MRPS9: variants seen among roughly 807,000 people sequenced by gnomAD.
MRPS9 encodes the protein small ribosomal subunit protein uS9m.
MRPS9 carries 45 observed loss-of-function variants against 59.9 expected under a neutral mutation model. The ratio of observed to expected loss-of-function variants is 0.75; its 90% confidence interval spans 0.59 to 0.96. The LOEUF is 0.96. Among genes scored for constraint, MRPS9 ranks in the 40% least tolerant of loss-of-function variants. The pLI is 0.00. For synonymous variants in MRPS9, 171 were observed against 166.8 expected, an observed-to-expected ratio of 1.03 and a Z score of -0.19; for missense variants, 473 against 481.1, an observed-to-expected ratio of 0.98 and a Z score of 0.16.
intron 1 of MRPS9, among the ~76,000 whole-genome samples, chr2:105,047,920 G>A (rs965373363): frequency 6.6e-6 from 1 of 151,838 alleles, no homozygotes; most frequent in Non-Finnish European, 1.5e-5. Flanking sequence ...GGGTCAAATA[G>A]TATTTCTAGT....
intron 1 of MRPS9, among the ~76,000 whole-genome samples, chr2:105,048,770 T>G (rs1376098195): frequency 5.9e-5 from 9 of 151,926 alleles, no homozygotes; most frequent in African/African-American, 2.2e-4. Context: ...GTTTTCTGCT[T>G]GCTGGTTTCT....
intron 7 of MRPS9, among the ~76,000 whole-genome samples, chr2:105,091,835 G>A (rs1288431865): frequency 6.6e-6 from 1 of 152,124 alleles, no homozygotes; most frequent in Non-Finnish European, 1.5e-5. Context: ...TTTATTTCAA[G>A]AGGTTGCCCT....
At chr2:105,092,609 G>T in intron 8 of MRPS9, 40 bp downstream of exon 8, 4 of 1,416,496 alleles carry the variant, frequency 2.8e-6, no homozygotes, top group Non-Finnish European at 3.8e-6. Context: ...TTCAGTGAAG[G>T]TTGAAAAACT....
At chr2:105,077,244 C>CAAAAAAAAAAAAAA (rs56216293) in intron 4 of MRPS9, among the ~76,000 whole-genome samples, 41 of 115,280 alleles carry the variant, frequency 3.6e-4, no homozygotes, top group Middle Eastern at 5.3e-3. Flanking sequence ...GACTCCATCT[C>CAAAAAAAAAAAAAA]AAAAAAAAAA....
At chr2:105,084,247 A>ATATATATATATATATATAT (rs1680403807) in intron 5 of MRPS9, among the ~76,000 whole-genome samples, 40 of 139,588 alleles carry the variant, frequency 2.9e-4, no homozygotes, top group African/African-American at 8.6e-4. Context: ...TATATACCAA[A>ATATATATATATATATATAT]ATATATATAT....
intron 2 of MRPS9, among the ~76,000 whole-genome samples, chr2:105,056,190 CTT>C (rs34661850): frequency 0.24 from 31,843 of 135,426 alleles, 3,456 homozygotes; most frequent in Middle Eastern, 0.36. Context: ...GGATAGGTAT[CTT>C]TTTTTTTTTT....
chr2:105,071,639 G>A (rs1356446147), intron 4 of MRPS9, 150 bp downstream of exon 4: 35 of 694,598 alleles, frequency 5.0e-5, no homozygotes, highest in Non-Finnish European at 3.3e-5. Flanking sequence ...AACAATGAAT[G>A]AGTGAAGTTT....
chr2:105,084,263 TA>T (rs1189417398), intron 5 of MRPS9, among the ~76,000 whole-genome samples: 2 of 149,480 alleles, frequency 1.3e-5, no homozygotes, highest in African/African-American at 4.9e-5. Context: ...TATATATATA[TA>T]TATATGTAAA....
rs1159899342 is a variant in MRPS9, at chr2:105,038,235, C to G, written c.135+8C>G. 1.2e-6 allele frequency: 2 copies of G among 1,607,882 alleles called. No homozygotes were observed. Among genetic ancestry groups the G allele is most frequent in the Non-Finnish European group, 1.7e-6 (2 of 1,177,112 alleles). On this transcript the variant is annotated splice_region_variant and intron_variant, in intron 1 of 10. Transcript: ENST00000258455. ...ACAAATGTCAGATCCCAGGTAAGGCCTGGGAAGACTGGAAGCGGCTTACCT... is the reference window on the plus strand; with the variant it reads ...ACAAATGTCAGATCCCAGGTAAGGCGTGGGAAGACTGGAAGCGGCTTACCT...
At chr2:105,067,972 C>G (rs1484389005) in intron 2 of MRPS9, among the ~76,000 whole-genome samples, 1 of 152,152 alleles carries the variant, frequency 6.6e-6, no homozygotes, top group Non-Finnish European at 1.5e-5. Flanking sequence ...GGACTACAGT[C>G]ATGTGCCACC....
At chr2:105,083,539 A>T (rs962679537) in intron 5 of MRPS9, among the ~76,000 whole-genome samples, 1 of 152,246 alleles carries the variant, frequency 6.6e-6, no homozygotes, top group African/African-American at 2.4e-5. Flanking sequence ...AACTAAAAGT[A>T]AGTTGAAAAT....
chr2:105,096,067 A>G (rs967792277), intron 9 of MRPS9, among the ~76,000 whole-genome samples: 1 of 152,188 alleles, frequency 6.6e-6, no homozygotes, highest in Middle Eastern at 3.2e-3. Context: ...TTGTTCAAAA[A>G]GACAGTATAG....
At chr2:105,045,427 C>T (rs1345211580) in intron 1 of MRPS9, among the ~76,000 whole-genome samples, 1 of 150,382 alleles carries the variant, frequency 6.6e-6, no homozygotes, top group African/African-American at 2.5e-5. Flanking sequence ...ATGACAAGAC[C>T]GAATAGCTGT....
chr2:105,095,487 A>ATT (rs138410859), intron 9 of MRPS9, among the ~76,000 whole-genome samples: 6 of 140,156 alleles, frequency 4.3e-5, no homozygotes, highest in Non-Finnish European at 4.6e-5. Flanking sequence ...CAGTCTGTAC[A>ATT]TTTTTTTTTT....
chr2:105,065,737 G>C (rs1422896879), intron 2 of MRPS9, among the ~76,000 whole-genome samples: 2 of 152,148 alleles, frequency 1.3e-5, no homozygotes, highest in Non-Finnish European at 2.9e-5. Flanking sequence ...GCACATAATG[G>C]TCTGCCCAAA....
chr2:105,086,781 G>T (rs6748981), intron 5 of MRPS9, among the ~76,000 whole-genome samples: 30,195 of 152,066 alleles, frequency 0.2, 3,118 homozygotes, highest in Middle Eastern at 0.35. Flanking sequence ...ATATGTAGTT[G>T]GAATGTAGTT....
intron 9 of MRPS9, among the ~76,000 whole-genome samples, chr2:105,094,509 C>A (rs1010470929): frequency 6.6e-6 from 1 of 152,154 alleles, no homozygotes; most frequent in Non-Finnish European, 1.5e-5. Flanking sequence ...TATTTAAGGT[C>A]AAAAGGGCTA....
At chr2:105,072,998 A>G (rs1680142113) in intron 4 of MRPS9, among the ~76,000 whole-genome samples, 1 of 152,208 alleles carries the variant, frequency 6.6e-6, no homozygotes, top group Non-Finnish European at 1.5e-5. Flanking sequence ...ACTTTTGCAG[A>G]TACAACTCAG....
intron 5 of MRPS9, among the ~76,000 whole-genome samples, chr2:105,082,743 C>A (rs1319996487): frequency 6.6e-6 from 1 of 152,152 alleles, no homozygotes; most frequent in Non-Finnish European, 1.5e-5. Flanking sequence ...GATGTTCTCA[C>A]GTTTTGGAAA....
Sources: allele counts gnomAD v4.1 joint callset (sites outside exome capture counted in the v4.1 genomes callset), GRCh38; gene constraint gnomAD v4.1.1; transcripts MANE v1.5; gene names NCBI Gene and HGNC (gene_info 2026-07-23, HGNC 2026-07-21).